GPC6: variants seen among roughly 807,000 people sequenced by gnomAD.
The protein encoded by GPC6 is glypican 6, also known as glypican-6.
In GPC6, 14 loss-of-function variants were observed where a neutral mutation model predicts 55.2. The observed-to-expected ratio is 0.25, with a 90% CI of 0.17 to 0.40. The LOEUF (loss-of-function observed/expected upper bound fraction) is 0.40, where lower values mean the gene tolerates loss of function less well. Ranked by LOEUF, GPC6 falls within the 10% of genes least tolerant of loss-of-function variation. The pLI, the probability that GPC6 is intolerant of heterozygous loss-of-function variation, is 1.00. For synonymous variants in GPC6, 278 were observed against 259.6 expected (o/e 1.07, Z -0.68); for missense variants, 641 against 708.5 (o/e 0.90, Z 1.08).
At chr13:93,978,695 T>C (rs909102640) in intron 3 of GPC6, among the ~76,000 whole-genome samples, 2 of 152,156 alleles carry the variant, frequency 1.3e-5, no homozygotes, top group Non-Finnish European at 2.9e-5. Flanking sequence ...GATTCTAGTC[T>C]ACAAGGTCCA....
intron 3 of GPC6, among the ~76,000 whole-genome samples, chr13:93,958,321 T>C (rs1879605066): frequency 6.6e-6 from 1 of 152,216 alleles, no homozygotes; most frequent in Non-Finnish European, 1.5e-5. Flanking sequence ...TCTTCTAAGA[T>C]TTTTATAGTT....
At chr13:93,623,039 T>G (rs1879026155) in intron 2 of GPC6, among the ~76,000 whole-genome samples, 1 of 152,192 alleles carries the variant, frequency 6.6e-6, no homozygotes, top group Non-Finnish European at 1.5e-5. Context: ...GCTTATTTGA[T>G]TTAACATATT....
chr13:93,256,917 G>T (rs1184275081), intron 1 of GPC6, among the ~76,000 whole-genome samples: 2 of 152,168 alleles, frequency 1.3e-5, no homozygotes, highest in Non-Finnish European at 2.9e-5. Flanking sequence ...TATACTGAGA[G>T]CAGGTACAGC....
intron 1 of GPC6, among the ~76,000 whole-genome samples, chr13:93,467,741 T>C (rs902892078): frequency 6.6e-6 from 1 of 151,850 alleles, no homozygotes; most frequent in Non-Finnish European, 1.5e-5. Flanking sequence ...TGCACCACCA[T>C]GACCAGCTTA....
At chr13:93,425,058 T>A (rs953178165) in intron 1 of GPC6, among the ~76,000 whole-genome samples, 2 of 152,168 alleles carry the variant, frequency 1.3e-5, no homozygotes, top group Admixed American at 6.6e-5. Context: ...GCAAATGAAA[T>A]ACTTACTTTG....
At chr13:94,195,783 C>T (rs1050046633) in intron 4 of GPC6, among the ~76,000 whole-genome samples, 8 of 152,322 alleles carry the variant, frequency 5.3e-5, no homozygotes, top group South Asian at 4.2e-4. Context: ...ACATTTCTCA[C>T]GTGTTCTGAG....
At chr13:94,360,555 G>A (rs1339278905) in intron 6 of GPC6, among the ~76,000 whole-genome samples, 2 of 152,004 alleles carry the variant, frequency 1.3e-5, no homozygotes, top group Non-Finnish European at 1.5e-5. Context: ...ATTAGGAAAG[G>A]CTACTCAAAC....
rs559945755 is a variant in GPC6 at position 93,707,898 on chromosome 13, A to G, written c.320-122256A>G. On this transcript the variant is annotated intron_variant, in intron 2 of 8. Coordinates refer to ENST00000377047, the MANE Select transcript of GPC6 (RefSeq NM_005708.5). ...CCTTCGGCATAATTCTGATAAAACA[A>G]TTAGAAGTTTATAGCCAGTAACGAA... Among the ~76,000 whole-genome samples the G allele has an allele frequency of 3.0e-4, 45 of 151,928 alleles. 1 individual carries two copies. Among genetic ancestry groups the G allele is most frequent in the African/African-American group, 8.2e-4 (34 of 41,516 alleles).
intron 4 of GPC6, among the ~76,000 whole-genome samples, chr13:94,138,565 A>C (rs1443130712): frequency 6.6e-6 from 1 of 152,208 alleles, no homozygotes; most frequent in Non-Finnish European, 1.5e-5. Context: ...TTTCAGCCAC[A>C]AAAGTTTATC....
intron 1 of GPC6, among the ~76,000 whole-genome samples, chr13:93,397,817 A>C (rs540580149): frequency 6.6e-6 from 1 of 151,710 alleles, no homozygotes; most frequent in Non-Finnish European, 1.5e-5. Flanking sequence ...GTCCTACTCA[A>C]CTTGGAAGCC....
intron 4 of GPC6, among the ~76,000 whole-genome samples, chr13:94,046,902 G>A (rs1016561053): frequency 1.3e-5 from 2 of 152,110 alleles, no homozygotes; most frequent in African/African-American, 2.4e-5. Flanking sequence ...TACAATATAA[G>A]CTTGCAATGA....
chr13:93,365,258 A>T (rs892531294), intron 1 of GPC6, among the ~76,000 whole-genome samples: 1 of 152,028 alleles, frequency 6.6e-6, no homozygotes, highest in Admixed American at 6.6e-5. Context: ...GGCATTTTTC[A>T]GCCTCTCTTC....
chr13:94,180,046 C>T (rs983630695), intron 4 of GPC6, among the ~76,000 whole-genome samples: 5 of 152,068 alleles, frequency 3.3e-5, no homozygotes, highest in African/African-American at 1.2e-4. Context: ...TTGGTAGAGG[C>T]ACAGGGGGAG....
intron 2 of GPC6, among the ~76,000 whole-genome samples, chr13:93,717,191 G>GA (rs1004936313): frequency 8.7e-5 from 13 of 150,284 alleles, no homozygotes; most frequent in East Asian, 3.9e-4. Flanking sequence ...CTTAAGACCA[G>GA]AAAAAAAAAT....
At chr13:93,599,834 G>A (rs1877935061) in intron 2 of GPC6, among the ~76,000 whole-genome samples, 1 of 152,164 alleles carries the variant, frequency 6.6e-6, no homozygotes, top group Admixed American at 6.5e-5. Context: ...CCTCATAGGA[G>A]TATAAACAGA....
intron 5 of GPC6, among the ~76,000 whole-genome samples, chr13:94,290,576 A>G (rs1427910703): frequency 6.6e-6 from 1 of 152,192 alleles, no homozygotes; most frequent in African/African-American, 2.4e-5. Context: ...TTGTTTTGAA[A>G]TATGTATACA....
At chr13:93,276,760 G>C (rs1490875423) in intron 1 of GPC6, among the ~76,000 whole-genome samples, 1 of 152,124 alleles carries the variant, frequency 6.6e-6, no homozygotes, top group Non-Finnish European at 1.5e-5. Flanking sequence ...TGTGGGGCCT[G>C]AGGCCTGGTG....
intron 1 of GPC6, among the ~76,000 whole-genome samples, chr13:93,336,947 C>A (rs1447435753): frequency 6.6e-6 from 1 of 152,116 alleles, no homozygotes; most frequent in Non-Finnish European, 1.5e-5. Flanking sequence ...CAAATGCTGT[C>A]AAAGCTCCTT....
intron 4 of GPC6, among the ~76,000 whole-genome samples, chr13:94,060,759 C>T (rs905128042): frequency 1.3e-5 from 2 of 152,026 alleles, no homozygotes; most frequent in African/African-American, 2.4e-5. Flanking sequence ...ATATTAAAGC[C>T]TAATATTTAG....
Sources: gnomAD v4.1 joint callset for allele counts (sites outside exome capture counted in the v4.1 genomes callset) on GRCh38, gnomAD v4.1.1 for gene constraint, MANE v1.5 for transcripts, NCBI Gene and HGNC (gene_info 2026-07-23, HGNC 2026-07-21) for gene names.